The following MB21D2 variants were observed in gnomAD, a reference collection of about 807,000 sequenced individuals.
MB21D2 encodes Mab-21 domain containing 2, also known as nucleotidyltransferase MB21D2.
A neutral mutation model predicts 33.3 loss-of-function variants in MB21D2; 9 were observed. The observed-to-expected ratio is 0.27, with a 90% CI of 0.16 to 0.47. The LOEUF (loss-of-function observed/expected upper bound fraction) is 0.47. Among genes scored for constraint, MB21D2 ranks in the 20% least tolerant of loss-of-function variants. MB21D2 has a pLI of 0.99. For missense variants in MB21D2, 540 were observed against 624.6 expected, an observed-to-expected ratio of 0.86 and a Z score of 1.44; for synonymous variants, 241 against 236.3, an observed-to-expected ratio of 1.02 and a Z score of -0.18.
In MB21D2 at chr3:192,874,717, T is replaced by C. The variant is rs1713391632; in HGVS notation, c.211+42913A>G. The stretch of plus-strand genomic sequence containing the variant: ...ATGGAGACTCTATTGCTTGCTGGTT[T>C]CTAGTAGCGTCCAGCCAGTGGGGAG... On this transcript the variant is annotated intron_variant, in intron 1 of 1. Transcript: ENST00000392452. Among the ~76,000 whole-genome samples the C allele has an allele frequency of 2.0e-5, 3 of 152,334 alleles. No individual in the cohort carries two copies. The South Asian group carries it at 6.2e-4, about 32-fold the overall frequency.
chr3:192,825,987 G>T (rs1306153164), intron 1 of MB21D2, among the ~76,000 whole-genome samples: 1 of 152,198 alleles, frequency 6.6e-6, no homozygotes, highest in Non-Finnish European at 1.5e-5. Flanking sequence ...GGGGAATGTG[G>T]TGTGGTCTAG....
rs57320648 is a variant in MB21D2, at chr3:192,870,699, G to GAAAAAAAAAAAAAAAAAA, written c.211+46913_211+46930dup. Among the ~76,000 whole-genome samples, 4 of 41,664 alleles carry GAAAAAAAAAAAAAAAAAA rather than the reference G, an allele frequency of 9.6e-5. 1 individual carries two copies. Among genetic ancestry groups the GAAAAAAAAAAAAAAAAAA allele is most frequent in the African/African-American group, 4.3e-4 (4 of 9,208 alleles). 27.3% of individuals were successfully genotyped at this position (41,664 alleles called of 152,430 possible). On this transcript the variant is annotated intron_variant, in intron 1 of 1. Coordinates refer to ENST00000392452, the MANE Select transcript of MB21D2 (RefSeq NM_178496.4). ...GCACTCCAGCCTGGGCGACTCCGTT[G>GAAAAAAAAAAAAAAAAAA]AAAAAAAAAAAAAAAAAAAAGGAAG...
intron 1 of MB21D2, among the ~76,000 whole-genome samples, chr3:192,875,983 A>G (rs1713419439): frequency 6.6e-6 from 1 of 152,168 alleles, no homozygotes; most frequent in Admixed American, 6.5e-5. Context: ...ATTAACCAGG[A>G]TGTACCTATG....
rs1713094475 is a variant in MB21D2, at chr3:192,863,299, C to T, written c.211+54331G>A. ...CAGACTCCAGAACTGTGAGGGAACA[C>T]ATCTGTTTTGGGCCACCCAATTTGT... On this transcript the variant is annotated intron_variant, in intron 1 of 1. Coordinates refer to ENST00000392452, the MANE Select transcript of MB21D2 (RefSeq NM_178496.4). 2.0e-5 allele frequency among the ~76,000 whole-genome samples: 3 copies of T among 152,246 alleles called. No individual in the cohort carries two copies. The South Asian group carries it at 6.2e-4, about 32-fold the overall frequency.
chr3:192,800,984 TA>T (rs930235951), intron 1 of MB21D2, among the ~76,000 whole-genome samples: 3 of 152,210 alleles, frequency 2.0e-5, no homozygotes, highest in Non-Finnish European at 2.9e-5. Context: ...CGTTTCTGAT[TA>T]AATTGGCGAT....
intron 1 of MB21D2, among the ~76,000 whole-genome samples, chr3:192,805,494 C>T (rs1489392624): frequency 2.6e-5 from 4 of 152,116 alleles, no homozygotes; most frequent in Non-Finnish European, 5.9e-5. Context: ...GATTAATTCA[C>T]GTATGGTAAT....
chr3:192,833,026 C>A (rs985122005), intron 1 of MB21D2, among the ~76,000 whole-genome samples: 3 of 150,746 alleles, frequency 2.0e-5, no homozygotes, highest in African/African-American at 7.4e-5. Flanking sequence ...ATAGTAAAAT[C>A]TTTTTCCTTT....
At chr3:192,812,014 CTTTCT>C (rs769495689) in intron 1 of MB21D2, among the ~76,000 whole-genome samples, 6 of 151,974 alleles carry the variant, frequency 3.9e-5, no homozygotes, top group Non-Finnish European at 8.8e-5. Context: ...TTTGTCCGTA[CTTTCT>C]TTTGTGTGTG....
intron 1 of MB21D2, among the ~76,000 whole-genome samples, chr3:192,891,155 G>GT (rs755647741): frequency 1.3e-5 from 2 of 152,146 alleles, no homozygotes; most frequent in Non-Finnish European, 2.9e-5. Context: ...TCTCAAACAG[G>GT]TAGGTGTATT....
intron 1 of MB21D2, among the ~76,000 whole-genome samples, chr3:192,843,277 A>AC (rs1453727679): frequency 6.6e-6 from 1 of 152,230 alleles, no homozygotes; most frequent in East Asian, 1.9e-4. Context: ...CAGTGGAACT[A>AC]CAAAAGACAA....
intron 1 of MB21D2, among the ~76,000 whole-genome samples, chr3:192,855,289 G>A (rs1712892834): frequency 6.6e-6 from 1 of 152,076 alleles, no homozygotes; most frequent in African/African-American, 2.4e-5. Context: ...AGTAGAGACG[G>A]GGTTTCACCA....
chr3:192,853,024 C>CTCTG (rs1712841093), intron 1 of MB21D2, among the ~76,000 whole-genome samples: 2 of 123,092 alleles, frequency 1.6e-5, no homozygotes, highest in African/African-American at 6.0e-5. Context: ...AGTTATCTCT[C>CTCTG]TCTGTCTCTC....
intron 1 of MB21D2, among the ~76,000 whole-genome samples, chr3:192,842,078 G>GCGAGT (rs140180371): frequency 0.073 from 11,107 of 152,160 alleles, 1,354 homozygotes; most frequent in African/African-American, 0.25. Context: ...AGCTAGGAGG[G>GCGAGT]CGCCACTCGG....
At position 192,819,210 on chromosome 3, in the gene MB21D2, C is replaced by A. The variant is rs554051950; in HGVS notation, c.212-19560G>T. ...GGAATCAATGTTTACAGAGTATCTG[C>A]TAAGGCCCAGTTATATATTAAGATT... On this transcript the variant is annotated intron_variant, in intron 1 of 1. Coordinates refer to ENST00000392452, the MANE Select transcript of MB21D2 (RefSeq NM_178496.4). Among the ~76,000 whole-genome samples, 6 of 147,474 alleles carry A rather than the reference C, an allele frequency of 4.1e-5. No individual in the cohort carries two copies. In the East Asian group the frequency reaches 1.2e-3, roughly 28 times the overall value.
chr3:192,859,863 G>A (rs187941597), intron 1 of MB21D2, among the ~76,000 whole-genome samples: 1 of 152,302 alleles, frequency 6.6e-6, no homozygotes, highest in East Asian at 1.9e-4. Context: ...TTTCGAGCCT[G>A]ACCAACATGG....
At chr3:192,863,476 A>G (rs1713097873) in intron 1 of MB21D2, among the ~76,000 whole-genome samples, 1 of 152,252 alleles carries the variant, frequency 6.6e-6, no homozygotes, top group African/African-American at 2.4e-5. Context: ...AAGGAACGTT[A>G]GCACATGGTG....
chr3:192,912,467 T>C (rs541958155), intron 1 of MB21D2, among the ~76,000 whole-genome samples: 54 of 152,084 alleles, frequency 3.6e-4, no homozygotes, highest in Admixed American at 2.4e-3. Context: ...TCAGGAGTTC[T>C]AGACCAGCCT....
At chr3:192,873,840 C>T (rs568552194) in intron 1 of MB21D2, among the ~76,000 whole-genome samples, 129 of 152,206 alleles carry the variant, frequency 8.5e-4, no homozygotes, top group African/African-American at 3.0e-3. Flanking sequence ...GTAGCTGGGA[C>T]TATAGGCGCA....
At chr3:192,804,121 GT>G (rs1457821572) in intron 1 of MB21D2, among the ~76,000 whole-genome samples, 1 of 152,106 alleles carries the variant, frequency 6.6e-6, no homozygotes, top group Non-Finnish European at 1.5e-5. Context: ...TTTAAGGAAT[GT>G]GTTTCACGTC....
Sources: allele counts gnomAD v4.1 joint callset (sites outside exome capture counted in the v4.1 genomes callset), GRCh38; gene constraint gnomAD v4.1.1; transcripts MANE v1.5; gene names NCBI Gene and HGNC (gene_info 2026-07-23, HGNC 2026-07-21).